Variants in SLC16A12 observed in about 807,000 individuals in gnomAD.
SLC16A12 encodes the protein solute carrier family 16 member 12.
In SLC16A12, 17 loss-of-function variants were observed where a neutral mutation model predicts 42.4. That is an observed-to-expected ratio of 0.40 (90% CI 0.27 to 0.60). The LOEUF (loss-of-function observed/expected upper bound fraction) is 0.60. SLC16A12 is among the 20% of genes least tolerant of loss of function. The probability of loss-of-function intolerance (pLI) is 0.42; values close to 1 mark genes in which losing one functional copy is unlikely to be tolerated. For synonymous variants in SLC16A12, 224 were observed against 229.4 expected (o/e 0.98, Z 0.21); for missense variants, 544 against 623.0 (o/e 0.87, Z 1.35).
chr10:89,495,733 A>C (rs1217680110), intron 2 of SLC16A12, among the ~76,000 whole-genome samples: 1 of 152,240 alleles, frequency 6.6e-6, no homozygotes, highest in Non-Finnish European at 1.5e-5. Flanking sequence ...AATACAGTAC[A>C]CTGTAGAGTA....
At chr10:89,488,848 A>G (rs144183851) in intron 2 of SLC16A12, among the ~76,000 whole-genome samples, 1 of 152,254 alleles carries the variant, frequency 6.6e-6, no homozygotes, top group Non-Finnish European at 1.5e-5. Flanking sequence ...AATATTCTGC[A>G]TAATATCAGG....
chr10:89,471,109 G>C (rs1425059307), intron 2 of SLC16A12, among the ~76,000 whole-genome samples: 1 of 152,132 alleles, frequency 6.6e-6, no homozygotes. Context: ...TTTAAATTGA[G>C]GTATAACTTA....
chr10:89,518,554 T>C (rs1185208911), intron 2 of SLC16A12, among the ~76,000 whole-genome samples: 1 of 152,172 alleles, frequency 6.6e-6, no homozygotes, highest in East Asian at 1.9e-4. Flanking sequence ...TTCCCTTCTC[T>C]AGAGCCTGGA....
At position 89,436,839 on chromosome 10, in the gene SLC16A12, G is replaced by GA. The variant is rs1190749764; in HGVS notation, c.1029-521dup. ...GGAAGGAAGGAAGGAAGGAAATAAG[G>GA]AGAAAGAAAGAAAAGAAAGAAATAA... On this transcript the variant is annotated intron_variant, in intron 6 of 7. Coordinates refer to ENST00000371790, the MANE Select transcript of SLC16A12 (RefSeq NM_213606.4). 1.0e-3 allele frequency among the ~76,000 whole-genome samples: 103 copies of GA among 98,708 alleles called. 1 individual carries two copies. Among genetic ancestry groups the GA allele is most frequent in the African/African-American group, 3.4e-3 (90 of 26,858 alleles). The allele number at this position is 98,708 out of a possible 152,430, so 64.8% of individuals were successfully genotyped here. A position where few individuals can be genotyped will look rare whatever the true frequency, so the allele number is the denominator to read the frequency against.
At chr10:89,462,748 T>G in intron 2 of SLC16A12, 124 bp from the exon 3 acceptor site, 1 of 1,081,932 alleles carries the variant, frequency 9.2e-7, no homozygotes, top group Non-Finnish European at 1.3e-6. Context: ...CTATGAATAC[T>G]AGACTGGGGC....
rs111947303 is a variant in SLC16A12, at chr10:89,451,765, C to T, written c.201-7906G>A. Among the ~76,000 whole-genome samples, 450 of 152,222 alleles carry T rather than the reference C, an allele frequency of 3.0e-3. 4 individuals carry two copies. Among genetic ancestry groups the T allele is most frequent in the African/African-American group, 0.01 (434 of 41,542 alleles). ...AACAATGGAGACTTCATGTGAGTGG[C>T]GGAGATACGTGCAATATGTGTTTCT... is the stretch of plus-strand genomic sequence containing the variant. On this transcript the variant is annotated intron_variant, in intron 3 of 7. Transcript: ENST00000371790.
At position 89,469,046 on chromosome 10, in the gene SLC16A12, T is replaced by C. The variant is rs968360289; in HGVS notation, c.-46-6422A>G. Among the ~76,000 whole-genome samples the C allele has an allele frequency of 3.3e-5, 5 of 152,276 alleles. No individual in the cohort carries two copies. The South Asian group carries it at 8.3e-4, about 25-fold the overall frequency. On this transcript the variant is annotated intron_variant, in intron 2 of 7. Coordinates refer to ENST00000371790, the MANE Select transcript of SLC16A12 (RefSeq NM_213606.4). ...TGGGGGGCTGAGGCATGAGAATCAC[T>C]TGAACCCAGAAGACAGAGGTTGCAG...
intron 5 of SLC16A12, 36 bp downstream of exon 5, chr10:89,441,072 G>GAGT: frequency 6.2e-7 from 1 of 1,611,774 alleles, no homozygotes; most frequent in Non-Finnish European, 8.5e-7. Flanking sequence ...CCCCTGAATG[G>GAGT]AGTGGGGTGA....
Position 89,432,902 on chromosome 10 carries a change from A to T in SLC16A12, c.*162T>A, listed in dbSNP as rs77913769. On this transcript the variant is annotated 3_prime_UTR_variant, in exon 8 of 8. Transcript: ENST00000371790. The stretch of plus-strand genomic sequence containing the variant: ...CTGGGCTAGTCCAGCTTTCCTTATT[A>T]TGTGCTGTTTTCCCTTATAAATATT... 9.3e-3 allele frequency: 9,291 copies of T among 994,858 alleles called. 510 individuals carry two copies. In the African/African-American group the frequency reaches 0.12, roughly 13 times the overall value. 61.6% of individuals were successfully genotyped at this position (994,858 alleles called of 1,614,324 possible).
intron 2 of SLC16A12, among the ~76,000 whole-genome samples, chr10:89,513,271 G>T (rs1248101634): frequency 1.3e-5 from 2 of 152,084 alleles, no homozygotes; most frequent in African/African-American, 4.8e-5. Context: ...TACTCTGTCT[G>T]ATCATTTTAA....
chr10:89,495,727 C>T (rs1263406633), intron 2 of SLC16A12, among the ~76,000 whole-genome samples: 1 of 152,132 alleles, frequency 6.6e-6, no homozygotes, highest in Non-Finnish European at 1.5e-5. Flanking sequence ...GTATTGAATA[C>T]AGTACACTGT....
At chr10:89,540,881 C>T (rs1843710821) in intron 2 of SLC16A12, among the ~76,000 whole-genome samples, 2 of 151,966 alleles carry the variant, frequency 1.3e-5, no homozygotes, top group Non-Finnish European at 2.9e-5. Context: ...CTCATTTCTA[C>T]CACTTCTTAC....
Position 89,433,037 on chromosome 10 carries a change from G to A in SLC16A12, c.*27C>T. ...TGGTGGCCCCACCTCTCTCAAACCT[G>A]AAGATTCTGGGGCTCAAGGCCTTTG... On this transcript the variant is annotated 3_prime_UTR_variant, in exon 8 of 8. Coordinates refer to ENST00000371790, the MANE Select transcript of SLC16A12 (RefSeq NM_213606.4). The A allele has an allele frequency of 6.2e-7, 1 of 1,613,622 alleles. No homozygotes were observed. Among genetic ancestry groups the A allele is most frequent in the Non-Finnish European group, 8.5e-7 (1 of 1,179,960 alleles).
chr10:89,481,351 T>C (rs535004087), intron 2 of SLC16A12, among the ~76,000 whole-genome samples: 1 of 152,312 alleles, frequency 6.6e-6, no homozygotes, highest in African/African-American at 2.4e-5. Flanking sequence ...CATTTTTTTT[T>C]CCATTTAACA....
chr10:89,537,158 T>G (rs1199317151), upstream of SLC16A12, among the ~76,000 whole-genome samples: 1 of 151,404 alleles, frequency 6.6e-6, no homozygotes, highest in Non-Finnish European at 1.5e-5. Context: ...TTTTTTTTTT[T>G]TTTTTTTGGG....
chr10:89,525,143 C>A (rs149288800), intron 2 of SLC16A12, among the ~76,000 whole-genome samples: 118 of 147,446 alleles, frequency 8.0e-4, no homozygotes, highest in African/African-American at 2.9e-3. Flanking sequence ...ATTGTTTGAA[C>A]CTGGGAGGCA....
intron 2 of SLC16A12, among the ~76,000 whole-genome samples, chr10:89,518,220 C>T (rs1035405694): frequency 1.3e-5 from 2 of 152,176 alleles, no homozygotes; most frequent in Non-Finnish European, 2.9e-5. Flanking sequence ...CAGAACAGTG[C>T]AGGCAGAAAG....
chr10:89,456,534 T>A (rs1475508506), intron 3 of SLC16A12, among the ~76,000 whole-genome samples: 3 of 152,324 alleles, frequency 2.0e-5, no homozygotes, highest in East Asian at 1.9e-4. Context: ...TTTCATTTTT[T>A]AAAATTTTAT....
At chr10:89,461,338 A>G (rs2133744223) in intron 3 of SLC16A12, among the ~76,000 whole-genome samples, 2 of 152,344 alleles carry the variant, frequency 1.3e-5, no homozygotes, top group Middle Eastern at 6.8e-3. Context: ...TGCAAAATAA[A>G]GCAAAATAAT....
Sources: allele counts gnomAD v4.1 joint callset (sites outside exome capture counted in the v4.1 genomes callset), GRCh38; gene constraint gnomAD v4.1.1; transcripts MANE v1.5; gene names NCBI Gene and HGNC (gene_info 2026-07-23, HGNC 2026-07-21).